CSMD1: variants seen among roughly 807,000 people sequenced by gnomAD.
CSMD1 encodes the protein CUB and sushi domain-containing protein 1.
A neutral mutation model predicts 417.5 loss-of-function variants in CSMD1; 213 were observed. That is an observed-to-expected ratio of 0.51 (90% CI 0.46 to 0.57). The LOEUF (loss-of-function observed/expected upper bound fraction) is 0.57, where lower values mean the gene tolerates loss of function less well. Ranked by LOEUF, CSMD1 falls within the 20% of genes least tolerant of loss-of-function variation. The pLI is 0.00. For missense variants in CSMD1, 6,923 were observed against 4,529.7 expected (o/e 1.53, Z -15.17); for synonymous variants, 2,862 against 1,736.8 (o/e 1.65, Z -16.11).
intron 6 of CSMD1, among the ~76,000 whole-genome samples, chr8:3,709,898 T>C (rs1478934121): frequency 7.1e-6 from 1 of 141,192 alleles, no homozygotes; most frequent in Non-Finnish European, 1.5e-5. Context: ...TTCATATAGA[T>C]ATGAAGTATA....
intron 18 of CSMD1, among the ~76,000 whole-genome samples, chr8:3,385,437 C>G (rs1300831399): frequency 6.6e-6 from 1 of 151,560 alleles, no homozygotes; most frequent in Non-Finnish European, 1.5e-5. Context: ...ATGCAGCCAC[C>G]TACTGAACTG....
intron 36 of CSMD1, chr8:3,183,086 G>A (rs1224414553): frequency 6.6e-6 from 1 of 151,754 alleles, no homozygotes; most frequent in Non-Finnish European, 1.5e-5. Context: ...CATGAAGTGT[G>A]TCGAACTAAA....
intron 42 of CSMD1, among the ~76,000 whole-genome samples, chr8:3,116,531 G>A (rs1019671703): frequency 2.6e-5 from 4 of 152,122 alleles, no homozygotes. Flanking sequence ...GAGTCTGAAG[G>A]GGTTTAGGCT....
chr8:4,824,071 C>T (rs917652446), intron 1 of CSMD1, among the ~76,000 whole-genome samples: 1 of 134,802 alleles, frequency 7.4e-6, no homozygotes, highest in South Asian at 2.5e-4. Flanking sequence ...TGCACATACA[C>T]AAATAAATAT....
chr8:3,206,614 ATG>A, intron 30 of CSMD1, among the ~76,000 whole-genome samples: 1 of 94,280 alleles, frequency 1.1e-5, no homozygotes, highest in Non-Finnish European at 2.0e-5. Flanking sequence ...ATGTGTGTGT[ATG>A]TGTGTGTGGG....
In CSMD1 at chr8:4,015,682, A is replaced by C. The variant is rs78066782; in HGVS notation, c.610+16223T>G. The stretch of plus-strand genomic sequence containing the variant: ...ATCTTAAAAAAAAAAAAAAAAAAAA[A>C]ACTCAAGACAGCTGCTACATCCCAT... On this transcript the variant is annotated intron_variant, in intron 4 of 69. Transcript: ENST00000635120. Among the ~76,000 whole-genome samples the C allele has an allele frequency of 9.3e-5, 14 of 151,032 alleles. No individual in the cohort carries two copies. The East Asian group carries it at 1.6e-3, about 17-fold the overall frequency.
chr8:4,278,672 G>T (rs560414658), intron 3 of CSMD1, among the ~76,000 whole-genome samples: 2 of 152,034 alleles, frequency 1.3e-5, no homozygotes, highest in Non-Finnish European at 2.9e-5. Context: ...TTAACATACC[G>T]AACAGTCTAT....
intron 5 of CSMD1, among the ~76,000 whole-genome samples, chr8:3,849,537 C>G (rs991804758): frequency 2.6e-5 from 4 of 152,176 alleles, no homozygotes; most frequent in African/African-American, 9.6e-5. Context: ...ATGACGACTT[C>G]AGCAGAAATT....
chr8:3,451,282 G>A (rs182080048), intron 12 of CSMD1, among the ~76,000 whole-genome samples: 40 of 152,252 alleles, frequency 2.6e-4, no homozygotes, highest in Middle Eastern at 3.4e-3. Context: ...TCACTCTGAT[G>A]GTAGTTTCTT....
intron 5 of CSMD1, among the ~76,000 whole-genome samples, chr8:3,912,023 A>G (rs1217545769): frequency 6.6e-6 from 1 of 152,220 alleles, no homozygotes; most frequent in Non-Finnish European, 1.5e-5. Flanking sequence ...TGTCATATAG[A>G]CACATATGGA....
chr8:4,867,100 G>A (rs1288350989), intron 1 of CSMD1, among the ~76,000 whole-genome samples: 2 of 151,902 alleles, frequency 1.3e-5, no homozygotes, highest in Non-Finnish European at 2.9e-5. Context: ...AAAATAAAGT[G>A]ACCCTTGTGA....
chr8:3,650,050 G>A (rs556583768), intron 7 of CSMD1, among the ~76,000 whole-genome samples: 34 of 152,290 alleles, frequency 2.2e-4, no homozygotes, highest in African/African-American at 6.7e-4. Flanking sequence ...AAGCCAAGGC[G>A]GGCAGACCAC....
chr8:4,000,779 G>A (rs890507419), intron 4 of CSMD1, among the ~76,000 whole-genome samples: 1 of 151,450 alleles, frequency 6.6e-6, no homozygotes, highest in Non-Finnish European at 1.5e-5. Context: ...TCTTTTCTCT[G>A]AATTCATTAT....
intron 3 of CSMD1, among the ~76,000 whole-genome samples, chr8:4,094,769 C>G (rs1428643884): frequency 6.6e-6 from 1 of 152,132 alleles, no homozygotes; most frequent in Non-Finnish European, 1.5e-5. Context: ...AGATGCTGAG[C>G]TAACACTGCG....
intron 1 of CSMD1, among the ~76,000 whole-genome samples, chr8:4,844,103 G>C (rs1165635537): frequency 2.6e-5 from 4 of 152,170 alleles, no homozygotes; most frequent in Non-Finnish European, 4.4e-5. Context: ...TGAAGTGTTT[G>C]TCTAAGAGCT....
intron 5 of CSMD1, among the ~76,000 whole-genome samples, chr8:3,781,979 G>A (rs1023672048): frequency 2.6e-5 from 4 of 152,088 alleles, no homozygotes; most frequent in Admixed American, 1.3e-4. Context: ...TAAGAGAAGG[G>A]ATGATGATAC....
intron 27 of CSMD1, among the ~76,000 whole-genome samples, chr8:3,226,064 T>A (rs189496259): frequency 6.6e-6 from 1 of 152,210 alleles, no homozygotes; most frequent in Admixed American, 6.5e-5. Flanking sequence ...ACGAGACCCA[T>A]CTACGTTTCT....
chr8:4,229,955 C>G (rs1714674), intron 3 of CSMD1, among the ~76,000 whole-genome samples: 4,985 of 152,220 alleles, frequency 0.033, 78 homozygotes, highest in Middle Eastern at 0.099. Context: ...TATCAAGAGA[C>G]TTTTACGTCC....
intron 58 of CSMD1, among the ~76,000 whole-genome samples, chr8:2,966,293 A>C (rs1280926077): frequency 6.6e-6 from 1 of 152,178 alleles, no homozygotes; most frequent in Non-Finnish European, 1.5e-5. Flanking sequence ...CTGCAGACCC[A>C]GTGGTCTACA....
Sources: gnomAD v4.1 joint callset for allele counts (sites outside exome capture counted in the v4.1 genomes callset) on GRCh38, gnomAD v4.1.1 for gene constraint, MANE v1.5 for transcripts, NCBI Gene and HGNC (gene_info 2026-07-23, HGNC 2026-07-21) for gene names.